CTDP1: variants seen among roughly 807,000 people sequenced by gnomAD.
CTDP1 encodes RNA polymerase II subunit A C-terminal domain phosphatase.
Under a neutral mutation model 91.8 loss-of-function variants are expected in CTDP1, and 47 were observed. The observed-to-expected ratio is 0.51, with a 90% CI of 0.41 to 0.65. The LOEUF is 0.65. Among genes scored for constraint, CTDP1 ranks in the 30% least tolerant of loss-of-function variants. The pLI is 0.00. For missense variants in CTDP1, 1,272 were observed against 1,373.7 expected, an observed-to-expected ratio of 0.93 and a Z score of 1.17; for synonymous variants, 656 against 598.5, an observed-to-expected ratio of 1.10 and a Z score of -1.40.
rs2086173835 is a variant in CTDP1 at position 79,715,051 on chromosome 18, G to A, written c.1591G>A (p.Gly531Ser). 1.2e-6 allele frequency: 2 copies of A among 1,610,364 alleles called. 1 individual carries two copies. The highest frequency in any genetic ancestry group is 2.2e-5 in the South Asian group (2 of 90,486). The part of the protein sequence containing the change: ...AHAPDKEPEL[G>S]GQEEGERDGL... ...TGCCCCGGACAAGGAGCCTGAGCTGGGTGGGCAGGAGGAGGGCGAGCGGGA... is the reference window on the plus strand; with the variant it reads ...TGCCCCGGACAAGGAGCCTGAGCTGAGTGGGCAGGAGGAGGGCGAGCGGGA... Residue 531 changes from glycine to serine, a missense_variant, in exon 8 of 13, where the codon GGT becomes AGT. Gly to Ser is a moderately conservative substitution (Grantham distance 56). Around this residue, in one of 3 missense-constraint regions of CTDP1, gnomAD observed 881 missense variants for 911.6 expected, o/e 0.97. Coordinates refer to ENST00000613122, the MANE Select transcript of CTDP1 (RefSeq NM_004715.5).
chr18:79,714,486 T>C lies in CTDP1; in HGVS notation c.1031-5T>C. ...GGTAACTTTTCCTTTTGCATGCATATTTAGTAAATCATTCTCGAGGCACTG... is the reference window on the plus strand; with the variant it reads ...GGTAACTTTTCCTTTTGCATGCATACTTAGTAAATCATTCTCGAGGCACTG... On this transcript the variant is annotated splice_region_variant and splice_polypyrimidine_tract_variant and intron_variant, in intron 7 of 12. Coordinates refer to ENST00000613122, the MANE Select transcript of CTDP1 (RefSeq NM_004715.5). 1 of 1,613,070 alleles carries C rather than the reference T, an allele frequency of 6.2e-7. No homozygotes were observed. Among genetic ancestry groups the C allele is most frequent in the Non-Finnish European group, 8.5e-7 (1 of 1,179,996 alleles).
Position 79,715,224 on chromosome 18 carries a change from C to T in CTDP1, c.1764C>T (p.Asp588=), listed in dbSNP as rs1040621108. 6.2e-6 allele frequency: 10 copies of T among 1,610,526 alleles called. No individual in the cohort carries two copies. The highest frequency in any genetic ancestry group is 1.3e-5 in the African/African-American group (1 of 74,910). ...AGGAGGAGGACACGGATGAGGATGACCACCTCATCTACCTGGAGGAGATCC... is the reference window on the plus strand; with the variant it reads ...AGGAGGAGGACACGGATGAGGATGATCACCTCATCTACCTGGAGGAGATCC... The part of the protein sequence containing the change: ...EEEEEDTDED[D]HLIYLEEILV... Residue 588 remains aspartate, a synonymous_variant, in exon 8 of 13, where the codon GAC becomes GAT. Transcript: ENST00000613122.
At chr18:79,681,208 C>T (rs574307081) in intron 1 of CTDP1, among the ~76,000 whole-genome samples, 1 of 152,366 alleles carries the variant, frequency 6.6e-6, no homozygotes, top group East Asian at 1.9e-4. Context: ...AGGAGTCTTC[C>T]CGTCACAGCC....
intron 12 of CTDP1, among the ~76,000 whole-genome samples, chr18:79,740,456 G>A (rs1172780445): frequency 6.6e-6 from 1 of 152,260 alleles, no homozygotes; most frequent in African/African-American, 2.4e-5. Flanking sequence ...TCAGTGAGAT[G>A]TGAATGTTTT....
intron 5 of CTDP1, among the ~76,000 whole-genome samples, chr18:79,705,369 G>C (rs2085946549): frequency 6.6e-6 from 1 of 152,122 alleles, no homozygotes; most frequent in African/African-American, 2.4e-5. Flanking sequence ...TGAATGCCAG[G>C]CTACGGTGCC....
intron 1 of CTDP1, among the ~76,000 whole-genome samples, chr18:79,688,242 A>G (rs1164669722): frequency 6.6e-6 from 1 of 151,636 alleles, no homozygotes; most frequent in East Asian, 1.9e-4. Flanking sequence ...GAGACAAAAC[A>G]ACAACACTTG....
intron 4 of CTDP1, among the ~76,000 whole-genome samples, chr18:79,699,393 T>C (rs896309567): frequency 3.9e-5 from 6 of 152,196 alleles, no homozygotes; most frequent in Admixed American, 3.3e-4. Flanking sequence ...CCCAAGTAGC[T>C]GGGACTACAG....
chr18:79,726,896 T>C (rs369341837), intron 10 of CTDP1, among the ~76,000 whole-genome samples: 2,945 of 41,610 alleles, frequency 0.071, 489 homozygotes, highest in Non-Finnish European at 0.11. Flanking sequence ...TGCTGGTGGA[T>C]GGCTGTCGGG....
At chr18:79,729,511 C>T (rs1221284446) in intron 11 of CTDP1, among the ~76,000 whole-genome samples, 1 of 152,224 alleles carries the variant, frequency 6.6e-6, no homozygotes, top group Non-Finnish European at 1.5e-5. Context: ...GTGTGTTGCA[C>T]GTGGGCCTTA....
intron 12 of CTDP1, among the ~76,000 whole-genome samples, chr18:79,744,304 C>T (rs1171112125): frequency 1.3e-5 from 2 of 152,216 alleles, no homozygotes; most frequent in Non-Finnish European, 2.9e-5. Context: ...GTGACCCCAA[C>T]CTTGGCAAAA....
chr18:79,749,180 C>A (rs1466503044), intron 12 of CTDP1, among the ~76,000 whole-genome samples: 1 of 152,226 alleles, frequency 6.6e-6, no homozygotes, highest in African/African-American at 2.4e-5. Context: ...AACTCTGCCA[C>A]GGATGGCTTC....
chr18:79,749,724 ACACC>A (rs2086958240), intron 12 of CTDP1: 1 of 152,128 alleles, frequency 6.6e-6, no homozygotes, highest in African/African-American at 2.4e-5. Context: ...GGGGTTCGGG[ACACC>A]CCTCACGGCA....
chr18:79,731,901 C>T (rs983290476), intron 11 of CTDP1, among the ~76,000 whole-genome samples: 5 of 152,108 alleles, frequency 3.3e-5, no homozygotes, highest in East Asian at 3.9e-4. Flanking sequence ...CAGGAGTGCT[C>T]CCAAAATCAC....
chr18:79,679,750 GCGCACGTA>G (rs1157504769), upstream of CTDP1: 11 of 527,638 alleles, frequency 2.1e-5, no homozygotes, highest in Middle Eastern at 5.6e-4. Context: ...GTATTTACAC[GCGCACGTA>G]CGCACGTACG....
Position 79,713,668 on chromosome 18 carries a change from G to A in CTDP1, c.1030+530G>A, listed in dbSNP as rs1435104616. Among the ~76,000 whole-genome samples the A allele has an allele frequency of 5.3e-5, 8 of 152,226 alleles. No homozygotes were observed. Among genetic ancestry groups the A allele is most frequent in the Non-Finnish European group, 1.2e-4 (8 of 68,044 alleles). On this transcript the variant is annotated intron_variant, in intron 7 of 12. Coordinates refer to ENST00000613122, the MANE Select transcript of CTDP1 (RefSeq NM_004715.5). This position sits in a 1 kb window ranked among gnomAD's most constrained non-coding sequence, Gnocchi z 4.7. The stretch of plus-strand genomic sequence containing the variant: ...TTTTGAAAAATATTTTGAGGCACAC[G>A]TTTATTGCTGTAGTCACTAAAATGG...
At chr18:79,740,100 A>G (rs11520414) in intron 12 of CTDP1, among the ~76,000 whole-genome samples, 1 of 1,050 alleles carries the variant, frequency 9.5e-4, no homozygotes, top group African/African-American at 1.9e-3. Flanking sequence ...TCTCATACCC[A>G]CGGCCGGGAC....
intron 5 of CTDP1, among the ~76,000 whole-genome samples, chr18:79,706,866 A>G (rs1400751162): frequency 6.6e-6 from 1 of 152,236 alleles, no homozygotes; most frequent in Non-Finnish European, 1.5e-5. Flanking sequence ...GGCGCACACC[A>G]GCGGGCACAG....
At chr18:79,706,428 A>G (rs1175961546) in intron 5 of CTDP1, among the ~76,000 whole-genome samples, 1 of 152,226 alleles carries the variant, frequency 6.6e-6, no homozygotes, top group Non-Finnish European at 1.5e-5. Flanking sequence ...CCGCAGGGAC[A>G]GTGACGCCCA....
Position 79,686,011 on chromosome 18 carries a change from A to T in CTDP1, c.314+5750A>T, listed in dbSNP as rs967871485. The stretch of plus-strand genomic sequence containing the variant: ...TTTGTCAGCCCATTAAACGTGGGTA[A>T]GTTGCACTTCAAACGTTTTGCTTTG... On this transcript the variant is annotated intron_variant, in intron 1 of 12. Coordinates refer to ENST00000613122, the MANE Select transcript of CTDP1 (RefSeq NM_004715.5). Among the ~76,000 whole-genome samples the T allele has an allele frequency of 3.9e-5, 6 of 152,358 alleles. No individual in the cohort carries two copies. In the South Asian group the frequency reaches 1.0e-3, roughly 26 times the overall value.
Sources: gnomAD v4.1 joint callset for allele counts (sites outside exome capture counted in the v4.1 genomes callset) on GRCh38, gnomAD v4.1.1 for gene constraint, gnomAD v4.1.1 regional missense constraint, Gnocchi (gnomAD v3.1) non-coding constraint, MANE v1.5 for transcripts, NCBI Gene and HGNC (gene_info 2026-07-23, HGNC 2026-07-21) for gene names.